CPEB1: variants seen among roughly 807,000 people sequenced by gnomAD.
CPEB1 encodes the protein cytoplasmic polyadenylation element binding protein 1.
In CPEB1, 7 loss-of-function variants were observed where a neutral mutation model predicts 65.8. The ratio of observed to expected loss-of-function variants is 0.11; its 90% CI spans 0.06 to 0.20. The LOEUF (loss-of-function observed/expected upper bound fraction) is 0.20, where lower values mean the gene tolerates loss of function less well. Among genes scored for constraint, CPEB1 ranks in the 10% least tolerant of loss-of-function variants. CPEB1 has a pLI of 1.00. For missense variants in CPEB1, 551 were observed against 712.2 expected (o/e 0.77, Z 2.58); for synonymous variants, 262 against 260.0 (o/e 1.01, Z -0.08).
chr15:82,544,376 G>T lies in CPEB1; in HGVS notation c.*216C>A. ...TTGGAGGGTAAGCCAGAGGGTCCTT[G>T]CCCTTGGTACACCCCCTGAAAACAA... On this transcript the variant is annotated 3_prime_UTR_variant, in exon 13 of 13. Coordinates refer to ENST00000684509, the MANE Select transcript of CPEB1 (RefSeq NM_001365242.1). 435 of 360,592 alleles carry T rather than the reference G, an allele frequency of 1.2e-3. No individual in the cohort carries two copies. Among genetic ancestry groups the T allele is most frequent in the East Asian group, 2.2e-3 (39 of 18,112 alleles). 22.3% of individuals were successfully genotyped at this position (360,592 alleles called of 1,614,324 possible).
chr15:82,566,690 C>T (rs2039183860), intron 4 of CPEB1, among the ~76,000 whole-genome samples: 1 of 151,918 alleles, frequency 6.6e-6, no homozygotes, highest in Non-Finnish European at 1.5e-5. Flanking sequence ...GGTCAGCACA[C>T]ATCCTGCCCC....
chr15:82,624,199 G>A (rs1405177569), intron 3 of CPEB1, among the ~76,000 whole-genome samples: 1 of 152,148 alleles, frequency 6.6e-6, no homozygotes, highest in Non-Finnish European at 1.5e-5. Context: ...GAGAATACAG[G>A]CCCACAGCCC....
intron 7 of CPEB1, 131 bp downstream of exon 7, chr15:82,553,747 C>A (rs374075873): frequency 7.8e-6 from 6 of 767,402 alleles, no homozygotes; most frequent in African/African-American, 5.3e-5. Flanking sequence ...TGCACCTCTC[C>A]CCTCAGACAC....
chr15:82,563,686 A>T (rs1469470846), intron 4 of CPEB1, among the ~76,000 whole-genome samples: 4 of 152,244 alleles, frequency 2.6e-5, no homozygotes, highest in African/African-American at 9.6e-5. Context: ...TTATGTATTG[A>T]TACATGGAGA....
intron 3 of CPEB1, among the ~76,000 whole-genome samples, chr15:82,580,847 TTC>T (rs1304485445): frequency 1.8e-5 from 2 of 109,772 alleles, no homozygotes; most frequent in African/African-American, 4.1e-5. Flanking sequence ...CGTCCCCAAT[TTC>T]TTTTTTTTTT....
intron 4 of CPEB1, 114 bp from the exon 5 acceptor site, chr15:82,558,100 G>C: frequency 1.4e-6 from 1 of 691,440 alleles, no homozygotes; most frequent in East Asian, 2.7e-5. Context: ...ACAACTAAAA[G>C]CATGCCAGCA....
chr15:82,646,342 G>A (rs587595802), intron 1 of CPEB1, among the ~76,000 whole-genome samples: 52 of 152,312 alleles, frequency 3.4e-4, no homozygotes, highest in African/African-American at 1.2e-3. Flanking sequence ...CAGCCCAGTA[G>A]TTGACTCAGG....
At chr15:82,547,084 G>GA in intron 11 of CPEB1, 59 bp downstream of exon 11, 1 of 1,202,838 alleles carries the variant, frequency 8.3e-7, no homozygotes, top group Non-Finnish European at 1.2e-6. Flanking sequence ...GCCCTGGGTA[G>GA]TAACTGCCCA....
At chr15:82,629,815 A>G (rs2046089478) in intron 1 of CPEB1, 3 of 985,366 alleles carry the variant, frequency 3.0e-6, no homozygotes, top group Admixed American at 1.2e-4. Context: ...AATCCAAGTG[A>G]GCATGAGAAT....
At chr15:82,544,799 G>A in intron 12 of CPEB1, 97 bp from the exon 13 acceptor site, 1 of 885,364 alleles carries the variant, frequency 1.1e-6, no homozygotes, top group Non-Finnish European at 1.8e-6. Flanking sequence ...GAGAAGGGTG[G>A]GAGACTCCCG....
intron 3 of CPEB1, among the ~76,000 whole-genome samples, chr15:82,597,081 T>C (rs555702194): frequency 1.6e-4 from 24 of 152,264 alleles, no homozygotes; most frequent in African/African-American, 5.8e-4. Flanking sequence ...CCCAGTGCTT[T>C]TGGAGGCTGA....
intron 3 of CPEB1, among the ~76,000 whole-genome samples, chr15:82,596,963 T>C (rs913804907): frequency 6.6e-5 from 10 of 152,268 alleles, no homozygotes; most frequent in Middle Eastern, 3.4e-3. Flanking sequence ...TTTTAAAGAA[T>C]CTGTAACCAT....
intron 10 of CPEB1, among the ~76,000 whole-genome samples, chr15:82,547,767 G>C (rs2150925194): frequency 6.7e-6 from 1 of 150,294 alleles, no homozygotes; most frequent in East Asian, 2.0e-4. Flanking sequence ...CTGCATCCCA[G>C]GCTCAAACAA....
intron 1 of CPEB1, among the ~76,000 whole-genome samples, chr15:82,636,824 T>G (rs1305040469): frequency 1.3e-5 from 2 of 152,214 alleles, no homozygotes; most frequent in Non-Finnish European, 2.9e-5. Flanking sequence ...ACCTCACTCA[T>G]AACCTTCATA....
chr15:82,637,250 G>C (rs941846769), intron 1 of CPEB1, among the ~76,000 whole-genome samples: 1 of 152,228 alleles, frequency 6.6e-6, no homozygotes, highest in East Asian at 1.9e-4. Context: ...GCTCTGGACA[G>C]TTGGTCTACA....
intron 3 of CPEB1, among the ~76,000 whole-genome samples, chr15:82,617,058 T>C (rs2044781780): frequency 6.6e-6 from 1 of 152,192 alleles, no homozygotes; most frequent in Non-Finnish European, 1.5e-5. Context: ...TGAAATCCTT[T>C]CCTACCTACC....
intron 3 of CPEB1, among the ~76,000 whole-genome samples, chr15:82,614,447 TAAAC>T (rs1260703153): frequency 2.0e-5 from 3 of 152,100 alleles, no homozygotes; most frequent in Non-Finnish European, 4.4e-5. Flanking sequence ...GTCCAAGAAT[TAAAC>T]AAAACACAAT....
intron 4 of CPEB1, chr15:82,562,050 TAAC>T (rs1042167827): frequency 8.2e-6 from 3 of 367,540 alleles, no homozygotes; most frequent in African/African-American, 6.4e-5. Flanking sequence ...TACTGCATCT[TAAC>T]AAAAGGAAAC....
At chr15:82,607,330 G>A (rs2043714100) in intron 3 of CPEB1, among the ~76,000 whole-genome samples, 1 of 152,218 alleles carries the variant, frequency 6.6e-6, no homozygotes, top group Admixed American at 6.5e-5. Context: ...GCTCACGCCT[G>A]TAATCCCAGC....
Sources: gnomAD v4.1 joint callset for allele counts (sites outside exome capture counted in the v4.1 genomes callset) on GRCh38, gnomAD v4.1.1 for gene constraint, MANE v1.5 for transcripts, NCBI Gene and HGNC (gene_info 2026-07-23, HGNC 2026-07-21) for gene names.